Variants in TTN observed in about 807,000 individuals in gnomAD.
TTN encodes titin.
TTN carries 1,525 observed loss-of-function variants against 3,223.0 expected under a neutral mutation model. The observed-to-expected ratio is 0.47, with a 90% CI of 0.45 to 0.49. The LOEUF (loss-of-function observed/expected upper bound fraction) is 0.49. Ranked by LOEUF, TTN falls within the 20% of genes least tolerant of loss-of-function variation. TTN has a pLI of 0.00. For synonymous variants in TTN, 14,094 were observed against 15,161.0 expected, an observed-to-expected ratio of 0.93 and a Z score of 5.17; for missense variants, 40,786 against 43,424.0, an observed-to-expected ratio of 0.94 and a Z score of 5.40.
chr2:178,688,957 T>C, intron 125 of TTN, 96 bp downstream of exon 125: 1 of 1,331,448 alleles, frequency 7.5e-7, no homozygotes, highest in Non-Finnish European at 1.1e-6. Flanking sequence ...TGGATCAGTA[T>C]AAGCACAGAC....
At position 178,558,007 on chromosome 2, in the gene TTN, TCATATCTCC is replaced by T; in HGVS notation, c.87338_87346del (p.Gly29113_Tyr29115del). On this transcript the variant is annotated inframe_deletion, in exon 328 of 363. Transcript: ENST00000589042. ...ACCACTGGAGTTGGCAGCAGTGATT[TCATATCTCC>T]CAGCGTCAGCTGTAACACTTTCTTT... 12 of 1,613,826 alleles carry T rather than the reference TCATATCTCC, an allele frequency of 7.4e-6. No homozygotes were observed. Among genetic ancestry groups the T allele is most frequent in the Non-Finnish European group, 9.3e-6 (11 of 1,179,848 alleles).
intron 77 of TTN, 57 bp from the exon 78 acceptor site, chr2:178,722,191 C>G: frequency 3.9e-6 from 6 of 1,527,898 alleles, no homozygotes; most frequent in African/African-American, 1.4e-5. Context: ...TGCCATTGGT[C>G]GTTTCTACTT....
At chr2:178,671,572 T>C (rs145542009) in intron 155 of TTN, among the ~76,000 whole-genome samples, 12 of 151,838 alleles carry the variant, frequency 7.9e-5, no homozygotes, top group Non-Finnish European at 1.3e-4. Context: ...ATTTCTCAGT[T>C]TGTGAACAGT....
At chr2:178,683,421 G>A (rs1577365797) in intron 133 of TTN, 130 bp from the exon 134 acceptor site, 2 of 563,366 alleles carry the variant, frequency 3.6e-6, no homozygotes, top group Non-Finnish European at 6.3e-6. Context: ...CATTTAAAAA[G>A]CAAGAAAATC....
intron 287 of TTN, 30 bp from the exon 288 acceptor site, chr2:178,601,201 CGTT>C: frequency 6.6e-7 from 1 of 1,519,586 alleles, no homozygotes; most frequent in East Asian, 2.3e-5. Flanking sequence ...AAGTATTAAG[CGTT>C]GTTTATAATA....
In TTN at chr2:178,785,627, C is replaced by G; in HGVS notation, c.2486G>C (p.Gly829Ala). The G allele has an allele frequency of 6.2e-7, 1 of 1,614,102 alleles. No individual in the cohort carries two copies. The highest frequency in any genetic ancestry group is 8.5e-7 in the Non-Finnish European group (1 of 1,179,990). Reference protein sequence around the residue: ...SKISVPKTEHGYEASIAGSAI... With the variant: ...SKISVPKTEHAYEASIAGSAI... ...TGCTCTGTAACTTCTTACCTCATAT[C>G]CATGTTCTGTCTTAGGAACAGAAAT... Residue 829 changes from glycine (G) to alanine (A), a missense_variant, in exon 15 of 363, where the codon GGA becomes GCA. Transcript: ENST00000589042.
chr2:178,542,749 T>A lies in TTN; in HGVS notation c.97105A>T (p.Thr32369Ser). The change falls in exon 348 of 363, where the codon ACC becomes TCC. Residue 32369 changes from threonine (T) to serine (S), a missense_variant. Transcript: ENST00000589042. ...TATTCTCCAGTATCTCTGATAGTGG[T>A]TTCACGGATGGTTAATTTAGCTACT... ...TKVAKLTIRE[T>S]TIRDTGEYTL... The A allele has an allele frequency of 6.2e-7, 1 of 1,613,802 alleles. No homozygotes were observed. The highest frequency in any genetic ancestry group is 8.5e-7 in the Non-Finnish European group (1 of 1,179,728).
In TTN at chr2:178,704,571, G is replaced by A. The variant is rs1468044745; in HGVS notation, c.29901C>T (p.Asp9967=). The A allele has an allele frequency of 1.2e-6, 2 of 1,613,592 alleles. No homozygotes were observed. Among genetic ancestry groups the A allele is most frequent in the South Asian group, 2.2e-5 (2 of 90,986 alleles). The change falls in exon 105 of 363, where the codon GAC becomes GAT. Residue 9967 remains aspartate (D), a synonymous_variant. Transcript: ENST00000589042. The part of the protein sequence containing the change: ...TLRVKNCQLK[D]QGNYRLVCGP... Reference sequence around the variant, plus strand: ...CACAAACCAATCGATAATTGCCCTGGTCTTTAAGTTGACAGTTTTTGACTC... The same window carrying A: ...CACAAACCAATCGATAATTGCCCTGATCTTTAAGTTGACAGTTTTTGACTC...
At position 178,589,022 on chromosome 2, in the gene TTN, T is replaced by C. The variant is rs749180542; in HGVS notation, c.62703A>G (p.Leu20901=). The C allele has an allele frequency of 9.9e-5, 159 of 1,610,546 alleles. No homozygotes were observed. The highest frequency in any genetic ancestry group is 1.3e-4 in the Non-Finnish European group (155 of 1,179,472). The change falls in exon 304 of 363, where the codon CTA becomes CTG. Residue 20901 remains leucine, a synonymous_variant. Coordinates refer to ENST00000589042, the MANE Select transcript of TTN (RefSeq NM_001267550.2). ...CCATTCGCTTTGTCTCACATTTTTCTAGAATATAATTTTGGATTTCACAGC... is the reference window on the plus strand; with the variant it reads ...CCATTCGCTTTGTCTCACATTTTTCCAGAATATAATTTTGGATTTCACAGC... The part of the protein sequence containing the change: ...DGGCEIQNYI[L]EKCETKRMVW...
rs748475558 is a variant in TTN at position 178,547,692 on chromosome 2, C to G, written c.93934G>C (p.Val31312Leu). Reference protein sequence around the residue: ...TVVVIGRPGPVTGPIEVSSVS... With the variant: ...TVVVIGRPGPLTGPIEVSSVS... ...GATGAGACCTCAATGGGGCCGGTTACTGGACCTGGCCTTCCAATGACCACA... is the reference window on the plus strand; with the variant it reads ...GATGAGACCTCAATGGGGCCGGTTAGTGGACCTGGCCTTCCAATGACCACA... Residue 31312 changes from valine (V) to leucine (L), a missense_variant, in exon 339 of 363, where the codon GTA becomes CTA. By Grantham distance (32) the Val-to-Leu change is conservative. Transcript: ENST00000589042. 1.9e-6 allele frequency: 3 copies of G among 1,613,934 alleles called. No homozygotes were observed. In the South Asian group the frequency reaches 3.3e-5, roughly 18 times the overall value.
In TTN at chr2:178,549,341, T is replaced by C; in HGVS notation, c.92285A>G (p.Lys30762Arg). Residue 30762 changes from lysine to arginine, a missense_variant, in exon 339 of 363, where the codon AAA (lysine) becomes AGA (arginine). Lys to Arg is a conservative substitution (Grantham distance 26, BLOSUM62 2). Coordinates refer to ENST00000589042, the MANE Select transcript of TTN (RefSeq NM_001267550.2). ...QQYILERREK[K>R]STRWVKVISK... ...GATCACTTTTACCCATCTTGTGCTT[T>C]TCTTTTCTCTTCTTTCAAGGATATA... 1 of 1,613,906 alleles carries C rather than the reference T, an allele frequency of 6.2e-7. No homozygotes were observed. The highest frequency in any genetic ancestry group is 8.5e-7 in the Non-Finnish European group (1 of 1,179,818).
rs2154140602 is a variant in TTN, at chr2:178,540,341, C to T, written c.97825G>A (p.Val32609Ile). Residue 32609 changes from valine to isoleucine, a missense_variant, in exon 351 of 363, where the codon GTT becomes ATT. Physicochemically the swap from Val to Ile is conservative, Grantham distance 29 (BLOSUM62 3). Coordinates refer to ENST00000589042, the MANE Select transcript of TTN (RefSeq NM_001267550.2). ...APPGKPQNPRVTDTTRTSVSL... is the reference protein window; with the variant it reads ...APPGKPQNPRITDTTRTSVSL... ...ACTGATGTCCTTGTTGTATCAGTAA[C>T]TCTTGGGTTTTGTGGCTTTCCTGGA... 1.2e-6 allele frequency: 2 copies of T among 1,613,200 alleles called. No individual in the cohort carries two copies. Among genetic ancestry groups the T allele is most frequent in the Non-Finnish European group, 1.7e-6 (2 of 1,179,334 alleles).
intron 220 of TTN, 33 bp downstream of exon 220, chr2:178,641,208 G>T: frequency 5.1e-6 from 7 of 1,380,864 alleles, no homozygotes; most frequent in Non-Finnish European, 6.9e-6. Flanking sequence ...TTTGTTAAAA[G>T]ATAATCTTAC....
At position 178,677,222 on chromosome 2, in the gene TTN, C is replaced by G; in HGVS notation, c.34357G>C (p.Glu11453Gln). The change falls in exon 147 of 363, where the codon GAA (glutamate) becomes CAA (glutamine). Residue 11453 changes from glutamate to glutamine, a missense_variant. Coordinates refer to ENST00000589042, the MANE Select transcript of TTN (RefSeq NM_001267550.2). The part of the protein sequence containing the change: ...KVPVPAPKKV[E>Q]PPPPPKVPEI... Reference sequence around the variant, plus strand: ...GTACCTTTGGGTGGTGGTGGAGGTTCCACTTTTTTAGGGGCGGGAACAGGG... The same window carrying G: ...GTACCTTTGGGTGGTGGTGGAGGTTGCACTTTTTTAGGGGCGGGAACAGGG... 1 of 1,223,976 alleles carries G rather than the reference C, an allele frequency of 8.2e-7. No individual in the cohort carries two copies. Among genetic ancestry groups the G allele is most frequent in the Non-Finnish European group, 1.0e-6 (1 of 983,334 alleles). 75.8% of individuals were successfully genotyped at this position (1,223,976 alleles called of 1,614,324 possible).
chr2:178,767,359 G>T (rs1170978577), intron 40 of TTN, among the ~76,000 whole-genome samples: 2 of 152,204 alleles, frequency 1.3e-5, no homozygotes, highest in Non-Finnish European at 2.9e-5. Flanking sequence ...TAGCCACTAA[G>T]TTCCTTGACA....
In TTN at chr2:178,557,681, CT is replaced by C; in HGVS notation, c.87672del (p.Ile29224MetfsTer6). 1 of 1,613,954 alleles carries C rather than the reference CT, an allele frequency of 6.2e-7. No homozygotes were observed. The highest frequency in any genetic ancestry group is 8.5e-7 in the Non-Finnish European group (1 of 1,179,852). ...AENRFGISDHIDSACVTVKLP... is the reference protein window; with the variant it reads ...AENRFGISDHXDSACVTVKLP... ...AGTTTGACAGTCACACAAGCTGAATCTATATGATCACTGATGCCAAAGCGGT... is the reference window on the plus strand; with the variant it reads ...AGTTTGACAGTCACACAAGCTGAATCATATGATCACTGATGCCAAAGCGGT... On this transcript the variant is annotated frameshift_variant, in exon 328 of 363. Coordinates refer to ENST00000589042, the MANE Select transcript of TTN (RefSeq NM_001267550.2). LOFTEE classifies it high-confidence loss of function.
At chr2:178,664,330 A>C (rs2065463356) in intron 168 of TTN, 130 bp downstream of exon 168, 3 of 821,634 alleles carry the variant, frequency 3.7e-6, no homozygotes, top group African/African-American at 1.7e-5. Context: ...ATACATTTAC[A>C]CTTGAGTTGC....
chr2:178,549,790 T>C lies in TTN; in HGVS notation c.91932A>G (p.Pro30644=). ...GEKMTLWWDA[P]LNDGCAPITH... Reference sequence around the variant, plus strand: ...TTATGGGAGCACAACCGTCATTGAGTGGGGCATCCCACCACAGAGTCATCT... The same window carrying C: ...TTATGGGAGCACAACCGTCATTGAGCGGGGCATCCCACCACAGAGTCATCT... Residue 30644 remains proline (P), a synonymous_variant, in exon 338 of 363, where the codon CCA becomes CCG. Coordinates refer to ENST00000589042, the MANE Select transcript of TTN (RefSeq NM_001267550.2). The C allele has an allele frequency of 6.2e-7, 1 of 1,611,430 alleles. No homozygotes were observed. Among genetic ancestry groups the C allele is most frequent in the Admixed American group, 1.7e-5 (1 of 59,960 alleles).
chr2:178,796,753 A>C (rs2093790542), intron 6 of TTN, among the ~76,000 whole-genome samples: 2 of 152,218 alleles, frequency 1.3e-5, no homozygotes, highest in African/African-American at 4.8e-5. Flanking sequence ...GATTAGCATG[A>C]CATGACTGAT....
Sources: allele counts gnomAD v4.1 joint callset (sites outside exome capture counted in the v4.1 genomes callset), GRCh38; gene constraint gnomAD v4.1.1; transcripts MANE v1.5; gene names NCBI Gene and HGNC (gene_info 2026-07-23, HGNC 2026-07-21).